Variants in AUTS2 observed in about 807,000 individuals in gnomAD.
AUTS2 encodes activator of transcription and developmental regulator AUTS2.
AUTS2 carries 17 observed loss-of-function variants against 112.4 expected under a neutral mutation model. The ratio of observed to expected loss-of-function variants is 0.15; its 90% CI spans 0.10 to 0.23. The LOEUF is 0.23. Ranked by LOEUF, AUTS2 falls within the 10% of genes least tolerant of loss-of-function variation. AUTS2 has a pLI of 1.00. For synonymous variants in AUTS2, 751 were observed against 702.7 expected, an observed-to-expected ratio of 1.07 and a Z score of -1.09; for missense variants, 1,510 against 1,701.6, an observed-to-expected ratio of 0.89 and a Z score of 1.98.
At chr7:70,747,818 T>TATTTA (rs1788555394) in intron 6 of AUTS2, among the ~76,000 whole-genome samples, 2 of 144,136 alleles carry the variant, frequency 1.4e-5, no homozygotes, top group African/African-American at 5.1e-5. Flanking sequence ...TATTTTATTT[T>TATTTA]ATTTTATTTA....
At chr7:70,104,944 C>T (rs989371081) in intron 2 of AUTS2, among the ~76,000 whole-genome samples, 7 of 152,118 alleles carry the variant, frequency 4.6e-5, no homozygotes, top group Non-Finnish European at 8.8e-5. Flanking sequence ...AGATTATCTT[C>T]GTGCATGTGG....
At chr7:69,822,211 T>C (rs1791032120) in intron 1 of AUTS2, among the ~76,000 whole-genome samples, 1 of 152,232 alleles carries the variant, frequency 6.6e-6, no homozygotes, top group African/African-American at 2.4e-5. Flanking sequence ...CAATTCACTG[T>C]GGACCAGCCA....
chr7:70,398,245 T>C (rs1794173286), intron 4 of AUTS2, among the ~76,000 whole-genome samples: 1 of 152,222 alleles, frequency 6.6e-6, no homozygotes, highest in Admixed American at 6.5e-5. Context: ...TCCAACTTCT[T>C]TTCCAAATTG....
At chr7:70,269,600 A>T (rs1183285704) in intron 4 of AUTS2, among the ~76,000 whole-genome samples, 1 of 152,212 alleles carries the variant, frequency 6.6e-6, no homozygotes, top group Non-Finnish European at 1.5e-5. Context: ...AATGAAGATA[A>T]TAGCGCCTGT....
chr7:69,808,900 A>G (rs1219445380), intron 1 of AUTS2, among the ~76,000 whole-genome samples: 1 of 152,140 alleles, frequency 6.6e-6, no homozygotes, highest in African/African-American at 2.4e-5. Context: ...GAGTTTGCAA[A>G]GAACAATCAT....
At chr7:70,578,154 C>G (rs965870464) in intron 5 of AUTS2, among the ~76,000 whole-genome samples, 1 of 152,116 alleles carries the variant, frequency 6.6e-6, no homozygotes, top group Non-Finnish European at 1.5e-5. Flanking sequence ...GTTTTGTCCT[C>G]AGTAGATTCC....
chr7:69,899,377 C>T lies in AUTS2; in HGVS notation c.401C>T (p.Ser134Phe), dbSNP rs751518329. 1.9e-5 allele frequency: 30 copies of T among 1,613,890 alleles called. No individual in the cohort carries two copies. The South Asian group carries it at 1.9e-4, about 10-fold the overall frequency. Residue 134 changes from serine (S) to phenylalanine (F), a missense_variant, in exon 2 of 19, where the codon TCC becomes TTC. By Grantham distance (155) the Ser-to-Phe change is radical (BLOSUM62 -2). Around this residue, in one of 3 missense-constraint regions of AUTS2, gnomAD observed 535 missense variants for 594.3 expected, o/e 0.90. Transcript: ENST00000342771. ...KKREALTNGL[S>F]FHSKKSRLSH... ...CGAGAAGCACTTACCAATGGCTTGTCCTTTCATTCAAAGAAGAGCAGACTC... is the reference window on the plus strand; with the variant it reads ...CGAGAAGCACTTACCAATGGCTTGTTCTTTCATTCAAAGAAGAGCAGACTC...
At position 70,330,532 on chromosome 7, in the gene AUTS2, G is replaced by T. The variant is rs529888786; in HGVS notation, c.661-105220G>T. ...ACACTGGTTTGATTACTATAGGTTTGTAATTAAGTTTTGAAATCAGGAAGT... is the reference window on the plus strand; with the variant it reads ...ACACTGGTTTGATTACTATAGGTTTTTAATTAAGTTTTGAAATCAGGAAGT... On this transcript the variant is annotated intron_variant, in intron 4 of 18. Coordinates refer to ENST00000342771, the MANE Select transcript of AUTS2 (RefSeq NM_015570.4). Among the ~76,000 whole-genome samples, 11 of 152,260 alleles carry T rather than the reference G, an allele frequency of 7.2e-5. No individual in the cohort carries two copies. In the East Asian group the frequency reaches 1.2e-3, roughly 16 times the overall value.
intron 4 of AUTS2, among the ~76,000 whole-genome samples, chr7:70,310,545 G>A (rs1489507812): frequency 2.6e-5 from 4 of 151,860 alleles, no homozygotes; most frequent in Admixed American, 6.6e-5. Flanking sequence ...CCCAGGAGGC[G>A]GAGCTTGCAG....
chr7:70,089,339 G>A (rs1026520700), intron 2 of AUTS2, among the ~76,000 whole-genome samples: 1 of 151,882 alleles, frequency 6.6e-6, no homozygotes, highest in Admixed American at 6.6e-5. Context: ...ATTTAAGATT[G>A]TTGTATTCTT....
intron 5 of AUTS2, among the ~76,000 whole-genome samples, chr7:70,472,241 G>A (rs568439177): frequency 5.1e-4 from 78 of 152,304 alleles, no homozygotes; most frequent in Non-Finnish European, 1.9e-4. Context: ...AGAACAGACT[G>A]ATGGACCGAG....
Position 70,253,683 on chromosome 7 carries a change from C to G in AUTS2, c.660+119112C>G, listed in dbSNP as rs564592399. Among the ~76,000 whole-genome samples, 5 of 152,168 alleles carry G rather than the reference C, an allele frequency of 3.3e-5. No homozygotes were observed. The East Asian group carries it at 9.7e-4, about 29-fold the overall frequency. On this transcript the variant is annotated intron_variant, in intron 4 of 18. Transcript: ENST00000342771. ...TCAGGGTGAGGTTTTTCTTTTCAGA[C>G]CATTTTATGTAAATTAAGGCTTTAA...
chr7:69,749,787 A>G (rs1240203129), intron 1 of AUTS2, among the ~76,000 whole-genome samples: 1 of 152,226 alleles, frequency 6.6e-6, no homozygotes, highest in Non-Finnish European at 1.5e-5. Flanking sequence ...ATACACAAAA[A>G]TAAATAACAG....
At chr7:70,180,248 T>C (rs1215101285) in intron 4 of AUTS2, among the ~76,000 whole-genome samples, 1 of 152,192 alleles carries the variant, frequency 6.6e-6, no homozygotes, top group Non-Finnish European at 1.5e-5. Flanking sequence ...TTATTCCACT[T>C]TGATTTACTT....
intron 2 of AUTS2, among the ~76,000 whole-genome samples, chr7:69,934,677 A>G (rs913617555): frequency 3.3e-5 from 5 of 152,194 alleles, no homozygotes; most frequent in African/African-American, 7.2e-5. Flanking sequence ...CCTGCTGTGT[A>G]GTAGAGGAAG....
intron 1 of AUTS2, among the ~76,000 whole-genome samples, chr7:69,743,086 TACTTTGC>T (rs1266853799): frequency 6.6e-6 from 1 of 152,178 alleles, no homozygotes; most frequent in Non-Finnish European, 1.5e-5. Flanking sequence ...CCAGGCCCAG[TACTTTGC>T]TACTTGTAAG....
chr7:70,394,277 T>C (rs544281053), intron 4 of AUTS2, among the ~76,000 whole-genome samples: 2 of 152,338 alleles, frequency 1.3e-5, no homozygotes, highest in South Asian at 4.1e-4. Flanking sequence ...AGTGCCATGG[T>C]CTCATGTCAT....
intron 1 of AUTS2, among the ~76,000 whole-genome samples, chr7:69,814,008 A>G (rs1371669452): frequency 6.6e-6 from 1 of 152,180 alleles, no homozygotes; most frequent in Non-Finnish European, 1.5e-5. Context: ...GGGCAATTGG[A>G]ACTTTGGGCC....
intron 5 of AUTS2, among the ~76,000 whole-genome samples, chr7:70,459,278 C>T (rs1206653177): frequency 6.6e-6 from 1 of 152,164 alleles, no homozygotes; most frequent in Non-Finnish European, 1.5e-5. Context: ...ATGATGTTTG[C>T]TGACCATCCT....
Sources: allele counts gnomAD v4.1 joint callset (sites outside exome capture counted in the v4.1 genomes callset), GRCh38; gene constraint gnomAD v4.1.1; regional missense constraint gnomAD v4.1.1; transcripts MANE v1.5; gene names NCBI Gene and HGNC (gene_info 2026-07-23, HGNC 2026-07-21).